Variants in MGMT observed in about 807,000 individuals in gnomAD.
The protein encoded by MGMT is methylated-DNA--protein-cysteine methyltransferase.
Under a neutral mutation model 15.9 loss-of-function variants are expected in MGMT, and 14 were observed. That is an observed-to-expected ratio of 0.88 (90% CI 0.58 to 1.37). MGMT has a LOEUF of 1.37. MGMT is among the 40% of genes most tolerant of loss of function. The pLI is 0.00. For missense variants in MGMT, 282 were observed against 268.1 expected, an observed-to-expected ratio of 1.05 and a Z score of -0.36; for synonymous variants, 130 against 118.2, an observed-to-expected ratio of 1.10 and a Z score of -0.65.
At chr10:129,615,822 G>C (rs1490557193) in intron 2 of MGMT, among the ~76,000 whole-genome samples, 2 of 152,138 alleles carry the variant, frequency 1.3e-5, no homozygotes, top group Non-Finnish European at 2.9e-5. Context: ...AGGGACTGAG[G>C]GGAGAGACAG....
intron 2 of MGMT, among the ~76,000 whole-genome samples, chr10:129,610,923 G>A (rs868812903): frequency 2.0e-5 from 3 of 152,146 alleles, no homozygotes; most frequent in Non-Finnish European, 4.4e-5. Flanking sequence ...GTATGTTCTC[G>A]TGAGATACTT....
intron 2 of MGMT, among the ~76,000 whole-genome samples, chr10:129,666,294 C>T (rs1258761389): frequency 1.3e-5 from 2 of 152,064 alleles, no homozygotes; most frequent in Non-Finnish European, 2.9e-5. Flanking sequence ...TTTAAAAATC[C>T]AGTTACAGTT....
chr10:129,588,927 C>T (rs1430272192), intron 2 of MGMT, among the ~76,000 whole-genome samples: 1 of 152,260 alleles, frequency 6.6e-6, no homozygotes, highest in Non-Finnish European at 1.5e-5. Flanking sequence ...GCGCAGATTC[C>T]CCTCAGGGGG....
chr10:129,650,199 C>T (rs1048692885), intron 2 of MGMT, among the ~76,000 whole-genome samples: 3 of 152,154 alleles, frequency 2.0e-5, no homozygotes, highest in Non-Finnish European at 4.4e-5. Flanking sequence ...TTGAGACCAC[C>T]AGTGGGTAGC....
chr10:129,560,106 A>G (rs1344983189), intron 2 of MGMT, among the ~76,000 whole-genome samples: 2 of 152,174 alleles, frequency 1.3e-5, no homozygotes, highest in Admixed American at 1.3e-4. Context: ...CATTCTGTGA[A>G]AAAGGTGCCT....
chr10:129,732,142 G>A (rs1056921621), intron 3 of MGMT, among the ~76,000 whole-genome samples: 6 of 133,808 alleles, frequency 4.5e-5, no homozygotes, highest in African/African-American at 1.1e-4. Flanking sequence ...ATATGTTGTG[G>A]GCTCCTCCTT....
intron 2 of MGMT, chr10:129,702,214 C>G (rs1395861390): frequency 6.6e-6 from 1 of 152,162 alleles, no homozygotes; most frequent in Non-Finnish European, 1.5e-5. Context: ...TTTTAAGGAA[C>G]CCCTGGCATT....
intron 1 of MGMT, among the ~76,000 whole-genome samples, chr10:129,478,768 T>A (rs1483665770): frequency 6.6e-6 from 1 of 152,210 alleles, no homozygotes. Flanking sequence ...GATGCTGTGG[T>A]GAATACAGGT....
intron 2 of MGMT, among the ~76,000 whole-genome samples, chr10:129,661,775 A>G (rs1425891334): frequency 1.3e-5 from 2 of 152,216 alleles, no homozygotes; most frequent in Non-Finnish European, 2.9e-5. Flanking sequence ...GCGCCACTGT[A>G]AGATTTCGAA....
At chr10:129,649,492 G>GGGCGATGAGGCATTCTTTA in intron 2 of MGMT, among the ~76,000 whole-genome samples, 1 of 152,306 alleles carries the variant, frequency 6.6e-6, no homozygotes, top group Non-Finnish European at 1.5e-5. Context: ...AGTGGTATTA[G>GGGCGATGAGGCATTCTTTA]GGCGATGAGG....
At chr10:129,739,237 C>T (rs973307237) in intron 3 of MGMT, among the ~76,000 whole-genome samples, 14 of 152,154 alleles carry the variant, frequency 9.2e-5, no homozygotes, top group South Asian at 6.2e-4. Flanking sequence ...CTTTGAAAAT[C>T]GGCACAAGAC....
intron 3 of MGMT, among the ~76,000 whole-genome samples, chr10:129,738,006 T>C (rs1848584655): frequency 6.6e-6 from 1 of 152,232 alleles, no homozygotes; most frequent in Non-Finnish European, 1.5e-5. Context: ...GCTGTCTTTT[T>C]GTTGGTCTGT....
chr10:129,657,687 ACACACACACACACACACACG>A (rs1311408814), intron 2 of MGMT, among the ~76,000 whole-genome samples: 4 of 139,918 alleles, frequency 2.9e-5, no homozygotes, highest in South Asian at 4.7e-4. Context: ...ACACACACAC[ACACACACACACACACACACG>A]CACACACACA....
At chr10:129,741,421 G>A (rs540127608) in intron 3 of MGMT, among the ~76,000 whole-genome samples, 4 of 152,340 alleles carry the variant, frequency 2.6e-5, no homozygotes, top group Admixed American at 2.0e-4. Context: ...GGTGCGAGGC[G>A]TGCAGCCCAT....
intron 3 of MGMT, among the ~76,000 whole-genome samples, chr10:129,747,948 C>A (rs369892512): frequency 2.0e-5 from 3 of 152,310 alleles, no homozygotes; most frequent in Admixed American, 6.5e-5. Context: ...GGTAAGCTGT[C>A]ATTTTCCTGA....
chr10:129,764,738 G>A (rs1225741109), intron 4 of MGMT, among the ~76,000 whole-genome samples: 3 of 152,214 alleles, frequency 2.0e-5, no homozygotes, highest in South Asian at 4.1e-4. Context: ...AGTGATACCC[G>A]GAGGTAGCCT....
At chr10:129,723,505 C>A (rs2133156348) in intron 3 of MGMT, among the ~76,000 whole-genome samples, 1 of 152,234 alleles carries the variant, frequency 6.6e-6, no homozygotes, top group South Asian at 2.1e-4. Context: ...TGGGTAGGCA[C>A]ACATTTCTTA....
At position 129,532,970 on chromosome 10, in the gene MGMT, A is replaced by G. The variant is rs898817882; in HGVS notation, c.-12-3271A>G. Reference sequence around the variant, plus strand: ...CGTCCCTTCCTGCAGCTGCTCGGACACTGGCACATGTTGGCAGGCGTCAGC... The same window carrying G: ...CGTCCCTTCCTGCAGCTGCTCGGACGCTGGCACATGTTGGCAGGCGTCAGC... On this transcript the variant is annotated intron_variant, in intron 1 of 4. Coordinates refer to ENST00000651593, the MANE Select transcript of MGMT (RefSeq NM_002412.5). The surrounding 1 kb of genome is among the most constrained non-coding windows in gnomAD (Gnocchi z 5.3). Among the ~76,000 whole-genome samples, 3 of 152,166 alleles carry G rather than the reference A, an allele frequency of 2.0e-5. No individual in the cohort carries two copies. The highest frequency in any genetic ancestry group is 4.4e-5 in the Non-Finnish European group (3 of 68,026).
At position 129,724,776 on chromosome 10, in the gene MGMT, T is replaced by C. The variant is rs1261788517; in HGVS notation, c.274+16733T>C. ...TATAAAGCTATTCATTGTAAAACTC[T>C]TCCAACTCTATGTGGCTGGGGTTTT... On this transcript the variant is annotated intron_variant, in intron 3 of 4. Coordinates refer to ENST00000651593, the MANE Select transcript of MGMT (RefSeq NM_002412.5). Among the ~76,000 whole-genome samples the C allele has an allele frequency of 4.6e-5, 7 of 152,368 alleles. No individual in the cohort carries two copies. In the East Asian group the frequency reaches 1.3e-3, roughly 29 times the overall value.
Sources: allele counts gnomAD v4.1 joint callset (sites outside exome capture counted in the v4.1 genomes callset), GRCh38; gene constraint gnomAD v4.1.1; non-coding constraint Gnocchi (gnomAD v3.1); transcripts MANE v1.5; gene names NCBI Gene and HGNC (gene_info 2026-07-23, HGNC 2026-07-21).